RUNX1: variants seen among roughly 807,000 people sequenced by gnomAD.
RUNX1 encodes the protein RUNX family transcription factor 1, also known as runt-related transcription factor 1.
A neutral mutation model predicts 42.8 loss-of-function variants in RUNX1; 19 were observed. The ratio of observed to expected loss-of-function variants is 0.44; its 90% CI spans 0.31 to 0.65. RUNX1 has a LOEUF of 0.65. RUNX1 is among the 30% of genes least tolerant of loss of function. The probability of loss-of-function intolerance (pLI) is 0.07; values close to 1 mark genes in which losing one functional copy is unlikely to be tolerated. For synonymous variants in RUNX1, 271 were observed against 289.4 expected (o/e 0.94, Z 0.64); for missense variants, 528 against 672.0 (o/e 0.79, Z 2.37).
chr21:34,894,004 G>A (rs548993520), intron 2 of RUNX1, among the ~76,000 whole-genome samples: 1 of 152,148 alleles, frequency 6.6e-6, no homozygotes. Context: ...AAACGAGATT[G>A]TGGTTCACAA....
rs563621382 is a variant in RUNX1 at position 35,045,653 on chromosome 21, C to T, written c.58+3189G>A. Among the ~76,000 whole-genome samples the T allele has an allele frequency of 2.0e-5, 3 of 152,230 alleles. No homozygotes were observed. In the South Asian group the frequency reaches 6.2e-4, roughly 32 times the overall value. ...TGATCTCACACCTCCAGTCTCCCTC[C>T]AGAACTGTGTGAAAATAAATTTCTG... On this transcript the variant is annotated intron_variant, in intron 2 of 8. Transcript: ENST00000675419.
At chr21:34,998,177 C>T (rs549133337) in intron 2 of RUNX1, among the ~76,000 whole-genome samples, 1 of 152,220 alleles carries the variant, frequency 6.6e-6, no homozygotes, top group South Asian at 2.1e-4. Context: ...TTGCTGCCCT[C>T]GTTTCCTCTC....
At position 34,880,683 on chromosome 21, in the gene RUNX1, T is replaced by TGC; in HGVS notation, c.380_381dup (p.Thr128AlafsTer6). On this transcript the variant is annotated frameshift_variant, in exon 5 of 9. Transcript: ENST00000675419. LOFTEE classifies it high-confidence loss of function. ...TTGCCAGCCATCACAGTGACCAGAG[T>TGC]GCCATCTGGAACATCCCCTAGGGCC... The TGC allele has an allele frequency of 6.2e-7, 1 of 1,614,042 alleles. No individual in the cohort carries two copies. The highest frequency in any genetic ancestry group is 8.5e-7 in the Non-Finnish European group (1 of 1,179,982).
chr21:35,037,161 C>T (rs1277249144), intron 2 of RUNX1, among the ~76,000 whole-genome samples: 1 of 152,156 alleles, frequency 6.6e-6, no homozygotes, highest in Admixed American at 6.5e-5. Flanking sequence ...CCTGATATCA[C>T]CTTCGATGGA....
At chr21:34,964,614 G>A (rs2058705613) in intron 2 of RUNX1, among the ~76,000 whole-genome samples, 1 of 152,170 alleles carries the variant, frequency 6.6e-6, no homozygotes, top group Non-Finnish European at 1.5e-5. Flanking sequence ...TCATGTTGAA[G>A]AAGTACAAAG....
At chr21:34,939,907 G>A (rs752242206) in intron 2 of RUNX1, among the ~76,000 whole-genome samples, 12 of 151,846 alleles carry the variant, frequency 7.9e-5, no homozygotes, top group East Asian at 1.9e-4. Context: ...CAACGATTGC[G>A]CAACATGTAA....
intron 2 of RUNX1, among the ~76,000 whole-genome samples, chr21:34,918,519 C>T (rs545445479): frequency 3.2e-4 from 48 of 152,266 alleles, no homozygotes; most frequent in African/African-American, 1.2e-3. Flanking sequence ...GCCATGGATG[C>T]CCTTGATTTT....
At chr21:35,022,561 A>G (rs1455631293) in intron 2 of RUNX1, among the ~76,000 whole-genome samples, 5 of 152,224 alleles carry the variant, frequency 3.3e-5, no homozygotes. Context: ...TTTAGAGATA[A>G]GAAACAAGTG....
intron 2 of RUNX1, among the ~76,000 whole-genome samples, chr21:34,953,510 A>C (rs1436050265): frequency 6.6e-6 from 1 of 152,180 alleles, no homozygotes; most frequent in Non-Finnish European, 1.5e-5. Flanking sequence ...AATGGATGCC[A>C]AGTGTTGGGG....
rs2059387328 is a variant in RUNX1 at position 35,045,193 on chromosome 21, C to T, written c.58+3649G>A. On this transcript the variant is annotated intron_variant, in intron 2 of 8. Transcript: ENST00000675419. Reference sequence around the variant, plus strand: ...TGATTGTGAGTTTAGATAGTTTTATCACACCTTTTTTTTTTATAGTTTCAA... The same window carrying T: ...TGATTGTGAGTTTAGATAGTTTTATTACACCTTTTTTTTTTATAGTTTCAA... Among the ~76,000 whole-genome samples, 4 of 148,266 alleles carry T rather than the reference C, an allele frequency of 2.7e-5. No homozygotes were observed. In the Admixed American group the frequency reaches 2.7e-4, roughly 10 times the overall value.
At chr21:34,957,834 C>A (rs2058655580) in intron 2 of RUNX1, among the ~76,000 whole-genome samples, 1 of 152,096 alleles carries the variant, frequency 6.6e-6, no homozygotes, top group Admixed American at 6.6e-5. Flanking sequence ...GATGTCATGT[C>A]CGGCTATCGG....
Position 34,790,512 on chromosome 21 carries a change from C to T in RUNX1, c.*1623G>A. On this transcript the variant is annotated 3_prime_UTR_variant, in exon 9 of 9. Coordinates refer to ENST00000675419, the MANE Select transcript of RUNX1 (RefSeq NM_001754.5). Reference sequence around the variant, plus strand: ...ACAACAACTGCATTCTGACCAAATCCTCCAATAAAAATAGTGCCATAAAAT... The same window carrying T: ...ACAACAACTGCATTCTGACCAAATCTTCCAATAAAAATAGTGCCATAAAAT... The T allele has an allele frequency of 4.3e-6, 1 of 233,656 alleles. No individual in the cohort carries two copies. The highest frequency in any genetic ancestry group is 2.2e-5 in the African/African-American group (1 of 45,454). 14.5% of individuals were successfully genotyped at this position (233,656 alleles called of 1,614,324 possible). A position where few individuals can be genotyped will look rare whatever the true frequency, so the allele number is the denominator to read the frequency against.
intron 2 of RUNX1, among the ~76,000 whole-genome samples, chr21:34,996,645 T>TCTCG (rs2058999127): frequency 6.6e-6 from 1 of 152,076 alleles, no homozygotes. Context: ...TCTCTCTCTC[T>TCTCG]CTATTGTTCT....
At position 34,892,974 on chromosome 21, in the gene RUNX1, A is replaced by G; in HGVS notation, c.59-11T>C. 1 of 1,559,074 alleles carries G rather than the reference A, an allele frequency of 6.4e-7. No homozygotes were observed. The highest frequency in any genetic ancestry group is 8.8e-7 in the Non-Finnish European group (1 of 1,131,112). On this transcript the variant is annotated splice_polypyrimidine_tract_variant and intron_variant, in intron 2 of 8. Coordinates refer to ENST00000675419, the MANE Select transcript of RUNX1 (RefSeq NM_001754.5). ...TTCCAAGTATGCATTCTGAAATAAC[A>G]GAAAGTAGGAAAATAAAAGTAATGC... is the stretch of plus-strand genomic sequence containing the variant.
chr21:34,962,709 A>G (rs2058690149), intron 2 of RUNX1, among the ~76,000 whole-genome samples: 1 of 152,214 alleles, frequency 6.6e-6, no homozygotes, highest in Non-Finnish European at 1.5e-5. Flanking sequence ...TCCCTCGTTC[A>G]CAGACATACG....
chr21:34,987,349 C>T (rs533611862), intron 2 of RUNX1, among the ~76,000 whole-genome samples: 1 of 152,292 alleles, frequency 6.6e-6, no homozygotes, highest in East Asian at 1.9e-4. Context: ...GGGCTGCTGA[C>T]ACGAGGCAGG....
At position 34,850,789 on chromosome 21, in the gene RUNX1, T is replaced by C. The variant is rs561575708; in HGVS notation, c.613+8685A>G. ...AAATAAATCAAAATTTATAAATGTT[T>C]AATTAAATGTAAAAAAAAAAGTGTA... On this transcript the variant is annotated intron_variant, in intron 6 of 8. Transcript: ENST00000675419. Among the ~76,000 whole-genome samples, 6 of 152,102 alleles carry C rather than the reference T, an allele frequency of 3.9e-5. No individual in the cohort carries two copies. In the East Asian group the frequency reaches 1.2e-3, roughly 29 times the overall value.
chr21:35,023,767 G>A (rs1291323081), intron 2 of RUNX1, among the ~76,000 whole-genome samples: 1 of 152,302 alleles, frequency 6.6e-6, no homozygotes, highest in South Asian at 2.1e-4. Flanking sequence ...TTACAGGAGT[G>A]ACGGCTCACA....
intron 2 of RUNX1, among the ~76,000 whole-genome samples, chr21:34,957,609 C>G (rs899825307): frequency 6.6e-6 from 1 of 152,178 alleles, no homozygotes; most frequent in Non-Finnish European, 1.5e-5. Context: ...CCGAGGATAA[C>G]AGGGTGATAG....
Sources: allele counts gnomAD v4.1 joint callset (sites outside exome capture counted in the v4.1 genomes callset), GRCh38; gene constraint gnomAD v4.1.1; transcripts MANE v1.5; gene names NCBI Gene and HGNC (gene_info 2026-07-23, HGNC 2026-07-21).